Variants in DNAJC16 observed in about 807,000 individuals in gnomAD.
DNAJC16 encodes the protein DnaJ heat shock protein family (Hsp40) member C16, also known as dnaJ homolog subfamily C member 16.
Under a neutral mutation model 92.7 loss-of-function variants are expected in DNAJC16, and 76 were observed. The observed-to-expected ratio is 0.82, with a 90% CI of 0.68 to 0.99. The LOEUF (loss-of-function observed/expected upper bound fraction) is 0.99. Ranked by LOEUF, DNAJC16 falls within the 50% of genes least tolerant of loss-of-function variation. The probability of loss-of-function intolerance (pLI) is 0.00; values close to 1 mark genes in which losing one functional copy is unlikely to be tolerated. For missense variants in DNAJC16, 869 were observed against 942.4 expected, an observed-to-expected ratio of 0.92 and a Z score of 1.02; for synonymous variants, 328 against 358.7, an observed-to-expected ratio of 0.91 and a Z score of 0.97.
chr1:15,541,997 C>T (rs191179374), intron 4 of DNAJC16, among the ~76,000 whole-genome samples: 98 of 152,186 alleles, frequency 6.4e-4, no homozygotes, highest in African/African-American at 2.2e-3. Context: ...TCTATTGAGG[C>T]GACTCTTAGT....
At chr1:15,542,813 G>A (rs937658753) in intron 4 of DNAJC16, among the ~76,000 whole-genome samples, 16 of 152,346 alleles carry the variant, frequency 1.1e-4, no homozygotes, top group African/African-American at 3.8e-4. Context: ...GGGAAGCATT[G>A]AGTTGGGCAT....
In DNAJC16 at chr1:15,541,203, T is replaced by G. The variant is rs909439250; in HGVS notation, c.575-3196T>G. Among the ~76,000 whole-genome samples the G allele has an allele frequency of 4.6e-5, 7 of 152,202 alleles. No homozygotes were observed. The South Asian group carries it at 1.4e-3, about 32-fold the overall frequency. On this transcript the variant is annotated intron_variant, in intron 4 of 14. Coordinates refer to ENST00000375847, the MANE Select transcript of DNAJC16 (RefSeq NM_015291.4). ...GCCTTTGTCTTGTAGCCAGTTGACCTCCCTAGGTGATGTCTCTTCTGTCTT... is the reference window on the plus strand; with the variant it reads ...GCCTTTGTCTTGTAGCCAGTTGACCGCCCTAGGTGATGTCTCTTCTGTCTT...
At chr1:15,562,061 T>G in intron 8 of DNAJC16, 81 bp from the exon 9 acceptor site, 2 of 1,427,916 alleles carry the variant, frequency 1.4e-6, no homozygotes, top group South Asian at 1.4e-5. Context: ...GCTCCTCGTC[T>G]TCTTCACCTT....
chr1:15,543,766 T>C (rs1294699404), intron 4 of DNAJC16, among the ~76,000 whole-genome samples: 1 of 152,116 alleles, frequency 6.6e-6, no homozygotes, highest in Admixed American at 6.6e-5. Context: ...ATTCCAGACA[T>C]TTTCTAAAGA....
chr1:15,555,080 TA>T (rs1638536145), intron 7 of DNAJC16, among the ~76,000 whole-genome samples: 1 of 150,878 alleles, frequency 6.6e-6, no homozygotes, highest in South Asian at 2.1e-4. Context: ...AAAATTTTTT[TA>T]AAAAAGAATG....
At position 15,567,836 on chromosome 1, in the gene DNAJC16, T is replaced by C; in HGVS notation, c.2008T>C (p.Tyr670His). The part of the protein sequence containing the change: ...SLDKHREWLE[Y>H]LLEFAQDAAP... ...AGATAAACACAGAGAATGGCTAGAA[T>C]ACTTACTAGAATTTGCTCAAGATGC... Residue 670 changes from tyrosine (Y) to histidine (H), a missense_variant, in exon 15 of 15, where the codon TAC (tyrosine) becomes CAC (histidine). Physicochemically the swap from Tyr to His is moderately conservative, Grantham distance 83. Transcript: ENST00000375847. The C allele has an allele frequency of 6.2e-7, 1 of 1,614,170 alleles. No homozygotes were observed. The highest frequency in any genetic ancestry group is 8.5e-7 in the Non-Finnish European group (1 of 1,179,980).
chr1:15,564,517 C>T (rs1429685024), intron 11 of DNAJC16, among the ~76,000 whole-genome samples, 158 bp downstream of exon 11: 3 of 151,304 alleles, frequency 2.0e-5, no homozygotes, highest in African/African-American at 7.3e-5. Flanking sequence ...TTCTTTCTTT[C>T]AGTAACTTCC....
At position 15,563,687 on chromosome 1, in the gene DNAJC16, A is replaced by T. The variant is rs1394095472; in HGVS notation, c.1339-242A>T. Among the ~76,000 whole-genome samples, 1,429 of 149,328 alleles carry T rather than the reference A, an allele frequency of 9.6e-3. 65 individuals carry two copies. The highest frequency in any genetic ancestry group is 0.033 in the African/African-American group (1,317 of 40,196). On this transcript the variant is annotated intron_variant, in intron 9 of 14. Coordinates refer to ENST00000375847, the MANE Select transcript of DNAJC16 (RefSeq NM_015291.4). ...CTAAAAAAAAAAAAAAAAAAAAAAA[A>T]AAATACCAAAAATTAGCCAGGCATG... is the stretch of plus-strand genomic sequence containing the variant.
chr1:15,567,276 A>G lies in DNAJC16; in HGVS notation c.1949+7A>G, dbSNP rs745377488. ...AGGTCTACACATTTACTGGGTAAGC[A>G]TGTGTGTGTGTGCATGTATGTATGT... On this transcript the variant is annotated splice_region_variant and intron_variant, in intron 14 of 14. Transcript: ENST00000375847. 7 of 1,608,850 alleles carry G rather than the reference A, an allele frequency of 4.4e-6. No individual in the cohort carries two copies. In the South Asian group the frequency reaches 7.7e-5, roughly 18 times the overall value.
rs764708356 is a variant in DNAJC16, at chr1:15,536,811, T to A, written c.571T>A (p.Leu191Met). 5 of 1,588,510 alleles carry A rather than the reference T, an allele frequency of 3.1e-6. No homozygotes were observed. The highest frequency in any genetic ancestry group is 4.3e-6 in the Non-Finnish European group (5 of 1,171,684). ...WKEVIQELEE[L>M]GVGIGVVHAG... Reference sequence around the variant, plus strand: ...AGAAGTCATTCAAGAACTGGAAGAATTGGGTAAGATAATTTTATTCACTGA... The same window carrying A: ...AGAAGTCATTCAAGAACTGGAAGAAATGGGTAAGATAATTTTATTCACTGA... The change falls in exon 4 of 15, where the codon TTG becomes ATG. Residue 191 changes from leucine (L) to methionine (M), a missense_variant. Physicochemically the swap from Leu to Met is conservative, Grantham distance 15. Coordinates refer to ENST00000375847, the MANE Select transcript of DNAJC16 (RefSeq NM_015291.4).
chr1:15,558,165 C>T (rs1638608596), intron 7 of DNAJC16, among the ~76,000 whole-genome samples: 1 of 149,442 alleles, frequency 6.7e-6, no homozygotes, highest in Non-Finnish European at 1.5e-5. Context: ...GCCACCATAC[C>T]CAGCCCTTTT....
At chr1:15,545,547 A>G (rs956903554) in intron 5 of DNAJC16, among the ~76,000 whole-genome samples, 1 of 152,222 alleles carries the variant, frequency 6.6e-6, no homozygotes, top group African/African-American at 2.4e-5. Flanking sequence ...GAGTTGGGAA[A>G]GGCTTCCTGG....
intron 4 of DNAJC16, among the ~76,000 whole-genome samples, chr1:15,538,188 A>T (rs1490055941): frequency 6.6e-6 from 1 of 151,886 alleles, no homozygotes; most frequent in Non-Finnish European, 1.5e-5. Flanking sequence ...CAAGGTCAGG[A>T]GTTCGAGACC....
intron 9 of DNAJC16, 140 bp downstream of exon 9, chr1:15,562,465 T>C (rs1638712861): frequency 5.1e-6 from 5 of 974,112 alleles, no homozygotes; most frequent in South Asian, 2.2e-5. Context: ...GTCTACTCTT[T>C]TGTTTTTCCT....
At position 15,564,024 on chromosome 1, in the gene DNAJC16, C is replaced by G. The variant is rs755971742; in HGVS notation, c.1434C>G (p.Leu478=). The G allele has an allele frequency of 1.2e-6, 2 of 1,613,816 alleles. No homozygotes were observed. The highest frequency in any genetic ancestry group is 1.7e-6 in the Non-Finnish European group (2 of 1,179,674). The part of the protein sequence containing the change: ...WIGSESDKFI[L]LGYLDQLRKD... ...GGAGTGAGAGTGACAAATTTATCCT[C>G]TTGGGCTATCTCGACCAGCTGCGTA... Residue 478 remains leucine (L), a synonymous_variant, in exon 10 of 15, where the codon CTC becomes CTG. Transcript: ENST00000375847.
Position 15,562,142 on chromosome 1 carries a change from G to T in DNAJC16, c.1155G>T (p.Lys385Asn), listed in dbSNP as rs748142815. The change falls in exon 9 of 15, where the codon AAG becomes AAT. Residue 385 changes from lysine (K) to asparagine (N), a missense_variant and splice_region_variant. Coordinates refer to ENST00000375847, the MANE Select transcript of DNAJC16 (RefSeq NM_015291.4). ...CPVKRSHRQR[K>N]YCVVLLTAET... is the part of the protein sequence containing the mutation. Reference sequence around the variant, plus strand: ...AAAGTTTTGTCTTTTTGTTGTGCAGGTACTGTGTGGTTTTATTGACTGCTG... The same window carrying T: ...AAAGTTTTGTCTTTTTGTTGTGCAGTTACTGTGTGGTTTTATTGACTGCTG... 1 of 1,613,130 alleles carries T rather than the reference G, an allele frequency of 6.2e-7. No individual in the cohort carries two copies. Among genetic ancestry groups the T allele is most frequent in the South Asian group, 1.1e-5 (1 of 90,974 alleles).
chr1:15,546,619 C>T, intron 5 of DNAJC16, 148 bp from the exon 6 acceptor site: 1 of 610,390 alleles, frequency 1.6e-6, no homozygotes. Flanking sequence ...ATAGCTTTAG[C>T]CAAATGAAGA....
At chr1:15,563,109 G>T (rs370525248) in intron 9 of DNAJC16, among the ~76,000 whole-genome samples, 1 of 151,580 alleles carries the variant, frequency 6.6e-6, no homozygotes, top group East Asian at 1.9e-4. Flanking sequence ...CATCATTTTC[G>T]CAATCATGGA....
chr1:15,538,922 C>A (rs376831694), intron 4 of DNAJC16, among the ~76,000 whole-genome samples: 8 of 152,266 alleles, frequency 5.3e-5, no homozygotes, highest in African/African-American at 1.7e-4. Context: ...TAGCCACATT[C>A]GAGTGGCGTG....
Sources: gnomAD v4.1 joint callset for allele counts (sites outside exome capture counted in the v4.1 genomes callset) on GRCh38, gnomAD v4.1.1 for gene constraint, MANE v1.5 for transcripts, NCBI Gene and HGNC (gene_info 2026-07-23, HGNC 2026-07-21) for gene names.